SLC22A23: variants seen among roughly 807,000 people sequenced by gnomAD.
SLC22A23 encodes the protein ion transporter protein.
A neutral mutation model predicts 61.0 loss-of-function variants in SLC22A23; 26 were observed. That is an observed-to-expected ratio of 0.43 (90% CI 0.31 to 0.59). The LOEUF (loss-of-function observed/expected upper bound fraction) is 0.59, where lower values mean the gene tolerates loss of function less well. Ranked by LOEUF, SLC22A23 falls within the 20% of genes least tolerant of loss-of-function variation. The pLI is 0.11. For synonymous variants in SLC22A23, 430 were observed against 413.9 expected, an observed-to-expected ratio of 1.04 and a Z score of -0.47; for missense variants, 796 against 934.7, an observed-to-expected ratio of 0.85 and a Z score of 1.94.
At chr6:3,358,672 C>T (rs1415509953) in intron 3 of SLC22A23, among the ~76,000 whole-genome samples, 5 of 152,000 alleles carry the variant, frequency 3.3e-5, no homozygotes. Flanking sequence ...CTATAGTTCA[C>T]GATACTGTGC....
In SLC22A23 at chr6:3,414,032, C is replaced by G. The variant is rs1769476740; in HGVS notation, c.758+1720G>C. ...AGACCCAAACTCTTTTGTCCTCAGG[C>G]CTGGTGTGTGATCAGGGAGGCCACA... On this transcript the variant is annotated intron_variant, in intron 2 of 9. Transcript: ENST00000406686. This position sits in a 1 kb window ranked among gnomAD's most constrained non-coding sequence, Gnocchi z 5.1. Among the ~76,000 whole-genome samples the G allele has an allele frequency of 6.6e-6, 1 of 152,196 alleles. No individual in the cohort carries two copies. Among genetic ancestry groups the G allele is most frequent in the African/African-American group, 2.4e-5 (1 of 41,446 alleles).
rs1759984280 is a variant in SLC22A23, at chr6:3,286,175, T to C, written c.1546+684A>G. Among the ~76,000 whole-genome samples, 2 of 152,042 alleles carry C rather than the reference T, an allele frequency of 1.3e-5. No individual in the cohort carries two copies. Among genetic ancestry groups the C allele is most frequent in the Admixed American group, 6.5e-5 (1 of 15,278 alleles). On this transcript the variant is annotated intron_variant, in intron 7 of 9. Transcript: ENST00000406686. This position sits in a 1 kb window ranked among gnomAD's most constrained non-coding sequence, Gnocchi z 4.2. ...GTGCAGTGCTGCGATCTCAGCTTAC[T>C]GCAACCTCTGCCTCCCAAGTTCAAG...
At chr6:3,452,223 G>C (rs1365235541) in intron 1 of SLC22A23, among the ~76,000 whole-genome samples, 2 of 152,170 alleles carry the variant, frequency 1.3e-5, no homozygotes, top group African/African-American at 4.8e-5. Context: ...CGAAGCAGAG[G>C]AGCATCTGTA....
intron 3 of SLC22A23, among the ~76,000 whole-genome samples, chr6:3,380,785 C>T (rs1766905144): frequency 6.6e-6 from 1 of 152,154 alleles, no homozygotes; most frequent in Non-Finnish European, 1.5e-5. Context: ...TTCTTATTCA[C>T]AATACATGCC....
In SLC22A23 at chr6:3,272,951, G is replaced by C; in HGVS notation, c.*104C>G. On this transcript the variant is annotated 3_prime_UTR_variant, in exon 10 of 10. Coordinates refer to ENST00000406686, the MANE Select transcript of SLC22A23 (RefSeq NM_015482.2). ...CCACACCAGTTGAGAGGCTCAGCTT[G>C]GCTGAGGCAGCTTTCCCACCCCTGG... 3 of 1,057,546 alleles carry C rather than the reference G, an allele frequency of 2.8e-6. No homozygotes were observed. The highest frequency in any genetic ancestry group is 4.1e-6 in the Non-Finnish European group (3 of 738,642). The allele number at this position is 1,057,546 out of a possible 1,614,324, so 65.5% of individuals were successfully genotyped here.
chr6:3,445,963 G>A (rs147653813), intron 1 of SLC22A23, among the ~76,000 whole-genome samples: 1,967 of 152,194 alleles, frequency 0.013, 32 homozygotes, highest in Non-Finnish European at 0.019. Context: ...TCTGTCTCTC[G>A]GGCCTGTGGT....
At chr6:3,406,923 A>G (rs1010623144) in intron 3 of SLC22A23, among the ~76,000 whole-genome samples, 6 of 152,208 alleles carry the variant, frequency 3.9e-5, no homozygotes, top group Non-Finnish European at 7.3e-5. Flanking sequence ...ACAAGTCAGC[A>G]GCATTTCTCA....
intron 5 of SLC22A23, among the ~76,000 whole-genome samples, chr6:3,295,270 C>T (rs1378956712): frequency 6.6e-6 from 1 of 151,098 alleles, no homozygotes; most frequent in Non-Finnish European, 1.5e-5. Flanking sequence ...TAACTGGGGG[C>T]TGACTTGGTC....
intron 1 of SLC22A23, among the ~76,000 whole-genome samples, chr6:3,441,529 A>G (rs527693680): frequency 1.3e-5 from 2 of 152,084 alleles, no homozygotes; most frequent in Non-Finnish European, 2.9e-5. Context: ...GTCCTCTCTC[A>G]ATCCTTTCAA....
chr6:3,332,955 T>C (rs996973414), intron 3 of SLC22A23, among the ~76,000 whole-genome samples: 3 of 152,338 alleles, frequency 2.0e-5, no homozygotes, highest in African/African-American at 7.2e-5. Flanking sequence ...ATCTCTAAAC[T>C]GGAAGCTCCA....
chr6:3,400,174 C>T (rs1001523145), intron 3 of SLC22A23, among the ~76,000 whole-genome samples: 13 of 152,218 alleles, frequency 8.5e-5, no homozygotes, highest in African/African-American at 2.9e-4. Flanking sequence ...CACCGCGCCC[C>T]GCCCATGATT....
intron 3 of SLC22A23, among the ~76,000 whole-genome samples, chr6:3,358,420 C>T (rs1442967356): frequency 1.3e-5 from 2 of 152,078 alleles, no homozygotes; most frequent in African/African-American, 4.8e-5. Context: ...CTGACACGTA[C>T]GACACGTGGA....
chr6:3,420,258 G>T (rs894801036), intron 1 of SLC22A23, among the ~76,000 whole-genome samples: 3 of 150,276 alleles, frequency 2.0e-5, no homozygotes, highest in Admixed American at 6.6e-5. Context: ...ACCAAAAACT[G>T]TGGAGTCAGA....
Position 3,342,975 on chromosome 6 carries a change from AC to A in SLC22A23, c.914-18974del, listed in dbSNP as rs1228979349. Among the ~76,000 whole-genome samples the A allele has an allele frequency of 6.6e-6, 1 of 152,212 alleles. No homozygotes were observed. Among genetic ancestry groups the A allele is most frequent in the Non-Finnish European group, 1.5e-5 (1 of 68,034 alleles). On this transcript the variant is annotated intron_variant, in intron 3 of 9. Coordinates refer to ENST00000406686, the MANE Select transcript of SLC22A23 (RefSeq NM_015482.2). The surrounding 1 kb of genome is among the most constrained non-coding windows in gnomAD (Gnocchi z 4.0). ...ATAGTGGGAAATGACAGAGAAATAC[AC>A]GGGGGAAATAATATAAGAGAAGGTT... is the stretch of plus-strand genomic sequence containing the variant.
intron 6 of SLC22A23, among the ~76,000 whole-genome samples, chr6:3,288,755 G>A (rs1361267250): frequency 6.6e-6 from 1 of 152,260 alleles, no homozygotes; most frequent in Admixed American, 6.5e-5. Flanking sequence ...ACCTGAACCA[G>A]GCAGCAGCAG....
chr6:3,367,201 G>C (rs917966226), intron 3 of SLC22A23, among the ~76,000 whole-genome samples: 1 of 152,208 alleles, frequency 6.6e-6, no homozygotes, highest in African/African-American at 2.4e-5. Flanking sequence ...TTAGTGGCAA[G>C]AGCATCAGTC....
At chr6:3,285,601 CTG>C (rs1432479588) in intron 7 of SLC22A23, among the ~76,000 whole-genome samples, 1 of 76,540 alleles carries the variant, frequency 1.3e-5, no homozygotes, top group Non-Finnish European at 5.0e-5. Flanking sequence ...TCCGTCCCAA[CTG>C]TGTGAGCAGG....
At chr6:3,402,462 A>ATCACCCACACTACCCAGAGC (rs1561954701) in intron 3 of SLC22A23, among the ~76,000 whole-genome samples, 3 of 26,100 alleles carry the variant, frequency 1.1e-4, no homozygotes, top group African/African-American at 2.8e-4. Flanking sequence ...GCTCTAGCTA[A>ATCACCCACACTACCCAGAGC]GCCCTAATCA....
chr6:3,423,630 C>G (rs1770292812), intron 1 of SLC22A23, among the ~76,000 whole-genome samples: 1 of 152,106 alleles, frequency 6.6e-6, no homozygotes, highest in South Asian at 2.1e-4. Context: ...AAGGAAGGAA[C>G]CCCACAGATC....
Sources: gnomAD v4.1 joint callset for allele counts (sites outside exome capture counted in the v4.1 genomes callset) on GRCh38, gnomAD v4.1.1 for gene constraint, Gnocchi (gnomAD v3.1) non-coding constraint, MANE v1.5 for transcripts, NCBI Gene and HGNC (gene_info 2026-07-23, HGNC 2026-07-21) for gene names.